Variants in SAMD4A observed in about 807,000 individuals in gnomAD.
SAMD4A encodes protein Smaug homolog 1.
Under a neutral mutation model 81.3 loss-of-function variants are expected in SAMD4A, and 33 were observed. That is an observed-to-expected ratio of 0.41 (90% CI 0.31 to 0.54). The LOEUF (loss-of-function observed/expected upper bound fraction) is 0.54. Among genes scored for constraint, SAMD4A ranks in the 20% least tolerant of loss-of-function variants. SAMD4A has a pLI of 0.37. For synonymous variants in SAMD4A, 389 were observed against 382.1 expected (o/e 1.02, Z -0.21); for missense variants, 854 against 951.1 (o/e 0.90, Z 1.34).
At position 54,790,512 on chromosome 14, in the gene SAMD4A, A is replaced by G. The variant is rs1438123315; in HGVS notation, c.*1568A>G. On this transcript the variant is annotated 3_prime_UTR_variant, in exon 13 of 13. Coordinates refer to ENST00000554335, the MANE Select transcript of SAMD4A (RefSeq NM_015589.6). ...CTGTTTATGAAGGGCAAGAAAGGCT[A>G]CATTTCAGAATTTGACACAGTGGAG... is the stretch of plus-strand genomic sequence containing the variant. 2 of 152,342 alleles carry G rather than the reference A, an allele frequency of 1.3e-5. No individual in the cohort carries two copies. Among genetic ancestry groups the G allele is most frequent in the Non-Finnish European group, 2.9e-5 (2 of 68,040 alleles). 9.4% of individuals were successfully genotyped at this position (152,342 alleles called of 1,614,324 possible).
Position 54,789,525 on chromosome 14 carries a change from A to C in SAMD4A, c.*581A>C, listed in dbSNP as rs1237757881. On this transcript the variant is annotated 3_prime_UTR_variant, in exon 13 of 13. Transcript: ENST00000554335. ...AAGAAGGAAGAAATTCCCTGCAACA[A>C]AACTTCAGCTAAACTTTGATTTGTG... The C allele has an allele frequency of 1.3e-5, 2 of 153,566 alleles. No homozygotes were observed. The highest frequency in any genetic ancestry group is 2.4e-5 in the African/African-American group (1 of 41,478). 9.5% of individuals were successfully genotyped at this position (153,566 alleles called of 1,614,324 possible).
At chr14:54,721,199 A>G (rs1038619700) in intron 3 of SAMD4A, among the ~76,000 whole-genome samples, 2 of 152,182 alleles carry the variant, frequency 1.3e-5, no homozygotes, top group Admixed American at 1.3e-4. Flanking sequence ...GGTCTTGTTC[A>G]CCATAGCATT....
chr14:54,734,679 A>C (rs931581782), intron 3 of SAMD4A, among the ~76,000 whole-genome samples: 1 of 152,232 alleles, frequency 6.6e-6, no homozygotes, highest in Non-Finnish European at 1.5e-5. Flanking sequence ...GATGCCTCTC[A>C]GTGGAGGAGA....
At chr14:54,723,372 G>T (rs532934582) in intron 3 of SAMD4A, among the ~76,000 whole-genome samples, 1 of 152,276 alleles carries the variant, frequency 6.6e-6, no homozygotes, top group East Asian at 1.9e-4. Context: ...AATTGTAAAT[G>T]ATTGCATGGA....
chr14:54,757,425 G>GTGTGTGTGTGTGTGTTT (rs146340671), intron 6 of SAMD4A, among the ~76,000 whole-genome samples: 14 of 136,118 alleles, frequency 1.0e-4, no homozygotes, highest in East Asian at 8.8e-4. Flanking sequence ...GTGTGTGTGT[G>GTGTGTGTGTGTGTGTTT]TGTTTTGTTT....
At chr14:54,595,956 G>T (rs1051519463) in intron 2 of SAMD4A, among the ~76,000 whole-genome samples, 3 of 152,196 alleles carry the variant, frequency 2.0e-5, no homozygotes, top group African/African-American at 7.2e-5. Flanking sequence ...AAAGATTCAA[G>T]AAATAGTATC....
chr14:54,702,167 A>G lies in SAMD4A; in HGVS notation c.302A>G (p.Tyr101Cys). The change falls in exon 3 of 13, where the codon TAT becomes TGT. Residue 101 changes from tyrosine to cysteine, a missense_variant. Tyr to Cys is a radical substitution (Grantham distance 194). Transcript: ENST00000554335. ...KPGNLDAKVE[Y>C]MKLLPKILAH... Reference sequence around the variant, plus strand: ...GGAAACCTCGACGCGAAAGTAGAATATATGAAACTGCTGCCCAAAATCCTG... The same window carrying G: ...GGAAACCTCGACGCGAAAGTAGAATGTATGAAACTGCTGCCCAAAATCCTG... 9.3e-6 allele frequency: 15 copies of G among 1,614,192 alleles called. 1 individual carries two copies. The highest frequency in any genetic ancestry group is 1.3e-5 in the Non-Finnish European group (15 of 1,180,018).
chr14:54,699,813 A>G (rs1003832104), intron 2 of SAMD4A, among the ~76,000 whole-genome samples: 3 of 152,236 alleles, frequency 2.0e-5, no homozygotes, highest in Non-Finnish European at 4.4e-5. Flanking sequence ...ACCCCAGGGC[A>G]GAGATTCTAA....
chr14:54,589,801 A>C (rs2033725389), intron 2 of SAMD4A, among the ~76,000 whole-genome samples: 1 of 152,220 alleles, frequency 6.6e-6, no homozygotes. Context: ...CATATAAGGC[A>C]GGAGTTCCCT....
Position 54,737,561 on chromosome 14 carries a change from T to G in SAMD4A, c.979+274T>G, listed in dbSNP as rs76322284. The stretch of plus-strand genomic sequence containing the variant: ...CTCTCTCTTTTTTTTTTTTTTTTTT[T>G]GCATTGCAGTGACTTGTAGACCATT... On this transcript the variant is annotated intron_variant, in intron 4 of 12. Transcript: ENST00000554335. Among the ~76,000 whole-genome samples, 204 of 122,528 alleles carry G rather than the reference T, an allele frequency of 1.7e-3. 3 individuals are homozygous for G. The highest frequency in any genetic ancestry group is 3.7e-3 in the South Asian group (12 of 3,278). The allele number at this position is 122,528 out of a possible 152,430, so 80.4% of individuals were successfully genotyped here.
chr14:54,618,779 G>A (rs1473915036), intron 2 of SAMD4A, among the ~76,000 whole-genome samples: 3 of 151,966 alleles, frequency 2.0e-5, no homozygotes, highest in Admixed American at 6.6e-5. Context: ...TTTTCCTGTC[G>A]TTTGTTTTAT....
At chr14:54,579,730 G>A (rs1171928361) in intron 2 of SAMD4A, among the ~76,000 whole-genome samples, 1 of 152,206 alleles carries the variant, frequency 6.6e-6, no homozygotes, top group East Asian at 1.9e-4. Flanking sequence ...TGGAATGGAT[G>A]CTTCTGTGGC....
chr14:54,678,343 CAG>C (rs1278434580), intron 2 of SAMD4A, among the ~76,000 whole-genome samples: 2 of 151,970 alleles, frequency 1.3e-5, no homozygotes, highest in Non-Finnish European at 2.9e-5. Flanking sequence ...TGACCTGCCT[CAG>C]GGGAGAAGGG....
At chr14:54,566,739 T>C (rs1291412534), upstream of SAMD4A, among the ~76,000 whole-genome samples, 1 of 151,768 alleles carries the variant, frequency 6.6e-6, no homozygotes, top group East Asian at 1.9e-4. Context: ...GCAGGATGCC[T>C]GCCACACACG....
intron 3 of SAMD4A, among the ~76,000 whole-genome samples, chr14:54,729,141 A>G (rs1274357384): frequency 1.3e-5 from 2 of 152,076 alleles, no homozygotes; most frequent in Non-Finnish European, 2.9e-5. Context: ...CTTGGGACTG[A>G]TGCTCTGAGA....
intron 2 of SAMD4A, among the ~76,000 whole-genome samples, chr14:54,582,553 T>A (rs1399517630): frequency 6.6e-6 from 1 of 152,082 alleles, no homozygotes; most frequent in African/African-American, 2.4e-5. Context: ...CCATGTTAGG[T>A]GAGGTGACGG....
At chr14:54,766,045 C>T (rs1323175130) in intron 8 of SAMD4A, among the ~76,000 whole-genome samples, 3 of 152,268 alleles carry the variant, frequency 2.0e-5, no homozygotes, top group Non-Finnish European at 2.9e-5. Context: ...AAATGTTTAA[C>T]TATACCAAAG....
rs374189789 is a variant in SAMD4A, at chr14:54,758,079, G to T, written c.1177-2082G>T. ...AGACATCTGTCATGTGTAGAAGGAA[G>T]GTGGCAGACGCGAAACTCTCCTAAG... On this transcript the variant is annotated intron_variant, in intron 6 of 12. Transcript: ENST00000554335. Among the ~76,000 whole-genome samples the T allele has an allele frequency of 5.3e-5, 8 of 152,286 alleles. 1 individual carries two copies. Among genetic ancestry groups the T allele is most frequent in the African/African-American group, 1.7e-4 (7 of 41,568 alleles).
intron 2 of SAMD4A, among the ~76,000 whole-genome samples, chr14:54,637,117 C>A (rs1000750495): frequency 6.6e-6 from 1 of 152,000 alleles, no homozygotes; most frequent in Non-Finnish European, 1.5e-5. Context: ...GTAATCCCAG[C>A]ACTTTGGGAA....
Sources: allele counts gnomAD v4.1 joint callset (sites outside exome capture counted in the v4.1 genomes callset), GRCh38; gene constraint gnomAD v4.1.1; transcripts MANE v1.5; gene names NCBI Gene and HGNC (gene_info 2026-07-23, HGNC 2026-07-21).